PTPRD: variants seen among roughly 807,000 people sequenced by gnomAD.
PTPRD encodes protein tyrosine phosphatase receptor type D.
A neutral mutation model predicts 214.5 loss-of-function variants in PTPRD; 34 were observed. That is an observed-to-expected ratio of 0.16 (90% CI 0.12 to 0.21). The LOEUF is 0.21. Among genes scored for constraint, PTPRD ranks in the 10% least tolerant of loss-of-function variants. The pLI is 1.00. For synonymous variants in PTPRD, 1,128 were observed against 845.7 expected (o/e 1.33, Z -5.79); for missense variants, 2,545 against 2,398.7 (o/e 1.06, Z -1.27).
At chr9:8,722,790 T>C (rs912853442) in intron 12 of PTPRD, among the ~76,000 whole-genome samples, 4 of 152,202 alleles carry the variant, frequency 2.6e-5, no homozygotes, top group Admixed American at 2.6e-4. Context: ...AATGTAAAAC[T>C]ATCATCTGCT....
intron 11 of PTPRD, among the ~76,000 whole-genome samples, chr9:8,985,126 A>C (rs1304686932): frequency 3.3e-5 from 5 of 152,120 alleles, no homozygotes; most frequent in Middle Eastern, 3.2e-3. Context: ...GCTAACAGTA[A>C]ATATGAGCAT....
At position 8,942,369 on chromosome 9, in the gene PTPRD, G is replaced by A. The variant is rs112165043; in HGVS notation, c.-104+76328C>T. ...CCAGTTCCACTGCTTCCCGTTTTAC[G>A]TGATGAGGTGTACTGTTTCACCTCG... On this transcript the variant is annotated intron_variant, in intron 11 of 45. Transcript: ENST00000381196. Among the ~76,000 whole-genome samples the A allele has an allele frequency of 8.3e-4, 126 of 152,078 alleles. 2 individuals are homozygous for A. Among genetic ancestry groups the A allele is most frequent in the Admixed American group, 8.5e-4 (13 of 15,254 alleles).
At chr9:9,551,609 C>T (rs2080263989) in intron 8 of PTPRD, among the ~76,000 whole-genome samples, 1 of 151,968 alleles carries the variant, frequency 6.6e-6, no homozygotes, top group African/African-American at 2.4e-5. Context: ...TGTTTGGCTC[C>T]TATATGGTTC....
At chr9:9,303,477 C>T (rs537624371) in intron 9 of PTPRD, among the ~76,000 whole-genome samples, 14 of 151,896 alleles carry the variant, frequency 9.2e-5, no homozygotes, top group Non-Finnish European at 1.9e-4. Context: ...AAAGTTATGC[C>T]GTAATAACAA....
intron 10 of PTPRD, among the ~76,000 whole-genome samples, chr9:9,070,940 G>A (rs1249019427): frequency 6.6e-6 from 1 of 152,006 alleles, no homozygotes; most frequent in Non-Finnish European, 1.5e-5. Context: ...ATCTCACTCT[G>A]CCTCCAGGGC....
intron 34 of PTPRD, among the ~76,000 whole-genome samples, chr9:8,441,970 T>G (rs1426615591): frequency 6.6e-6 from 1 of 152,186 alleles, no homozygotes; most frequent in Non-Finnish European, 1.5e-5. Flanking sequence ...TAAGACTGTT[T>G]GGGCTCTCTA....
chr9:9,040,359 G>T (rs1428310456), intron 10 of PTPRD, among the ~76,000 whole-genome samples: 1 of 152,080 alleles, frequency 6.6e-6, no homozygotes, highest in Non-Finnish European at 1.5e-5. Context: ...CATATGCCTT[G>T]GTCTTTTCCT....
chr9:10,329,473 A>C (rs1002789329), intron 3 of PTPRD, among the ~76,000 whole-genome samples: 1 of 151,856 alleles, frequency 6.6e-6, no homozygotes, highest in Non-Finnish European at 1.5e-5. Context: ...ATAGCATGTA[A>C]AATCATGAAG....
At chr9:10,533,073 G>C (rs973916325) in intron 2 of PTPRD, among the ~76,000 whole-genome samples, 6 of 151,948 alleles carry the variant, frequency 3.9e-5, no homozygotes, top group African/African-American at 1.4e-4. Flanking sequence ...GATTAGCTAC[G>C]GGGTTATTAA....
chr9:10,581,575 A>T (rs973757040), intron 2 of PTPRD, among the ~76,000 whole-genome samples: 1 of 152,196 alleles, frequency 6.6e-6, no homozygotes, highest in Non-Finnish European at 1.5e-5. Flanking sequence ...CTTTGATGCT[A>T]TTCCCAATGA....
intron 2 of PTPRD, among the ~76,000 whole-genome samples, chr9:10,387,297 C>A (rs1256914526): frequency 6.6e-6 from 1 of 151,864 alleles, no homozygotes; most frequent in African/African-American, 2.4e-5. Context: ...TTTTCAGTGA[C>A]ATGAGCCATA....
intron 11 of PTPRD, among the ~76,000 whole-genome samples, chr9:8,739,806 A>G (rs1025276546): frequency 6.6e-6 from 1 of 152,184 alleles, no homozygotes; most frequent in Non-Finnish European, 1.5e-5. Context: ...TTATAGGGGC[A>G]GGGCTTTCCT....
chr9:8,446,444 C>A (rs1342567542), intron 34 of PTPRD, among the ~76,000 whole-genome samples: 1 of 152,202 alleles, frequency 6.6e-6, no homozygotes, highest in South Asian at 2.1e-4. Flanking sequence ...GAAAGGCCTA[C>A]TGAATTTCAA....
intron 4 of PTPRD, among the ~76,000 whole-genome samples, chr9:9,955,706 GT>G (rs2093862445): frequency 1.3e-5 from 2 of 152,016 alleles, no homozygotes; most frequent in South Asian, 4.1e-4. Context: ...TGTATTTTTA[GT>G]AGAGACAGGG....
chr9:10,271,390 C>G (rs905323072), intron 3 of PTPRD, among the ~76,000 whole-genome samples: 6 of 143,966 alleles, frequency 4.2e-5, no homozygotes, highest in Non-Finnish European at 9.3e-5. Context: ...AACTCAGAGT[C>G]TCTTTATGAC....
chr9:9,470,377 A>G (rs2094506473), intron 8 of PTPRD, among the ~76,000 whole-genome samples: 1 of 152,216 alleles, frequency 6.6e-6, no homozygotes, highest in African/African-American at 2.4e-5. Context: ...CCAAGATGTT[A>G]TATTTTGTAC....
At chr9:8,933,410 T>C (rs2098968207) in intron 11 of PTPRD, among the ~76,000 whole-genome samples, 1 of 144,866 alleles carries the variant, frequency 6.9e-6, no homozygotes. Flanking sequence ...TTTATCCCTT[T>C]CTTATACCAA....
At chr9:10,449,939 A>AC (rs1460468920) in intron 2 of PTPRD, among the ~76,000 whole-genome samples, 1 of 151,574 alleles carries the variant, frequency 6.6e-6, no homozygotes, top group African/African-American at 2.4e-5. Context: ...CTATAACCTT[A>AC]CCCCCAACCC....
At chr9:8,746,798 A>T (rs992574461) in intron 11 of PTPRD, among the ~76,000 whole-genome samples, 1 of 151,836 alleles carries the variant, frequency 6.6e-6, no homozygotes, top group African/African-American at 2.4e-5. Flanking sequence ...GTTCAAGACC[A>T]GCCTGGGCAA....
Sources: gnomAD v4.1 joint callset for allele counts (sites outside exome capture counted in the v4.1 genomes callset) on GRCh38, gnomAD v4.1.1 for gene constraint, MANE v1.5 for transcripts, NCBI Gene and HGNC (gene_info 2026-07-23, HGNC 2026-07-21) for gene names.